The following ZNF713 variants were observed in gnomAD, a reference collection of about 807,000 sequenced individuals.
The protein encoded by ZNF713 is zinc finger protein 713.
In ZNF713, 21 loss-of-function variants were observed where a neutral mutation model predicts 28.7. The ratio of observed to expected loss-of-function variants is 0.73; its 90% CI spans 0.52 to 1.05. ZNF713 has a LOEUF of 1.05. Among genes scored for constraint, ZNF713 ranks in the 50% least tolerant of loss-of-function variants. The pLI is 0.00. For missense variants in ZNF713, 458 were observed against 532.4 expected, an observed-to-expected ratio of 0.86 and a Z score of 1.37; for synonymous variants, 167 against 178.0, an observed-to-expected ratio of 0.94 and a Z score of 0.49.
rs1554334752 is a variant in ZNF713 at position 55,888,733 on chromosome 7, A to ACTTACATACATG, written c.-583+1054_-583+1055insTTACATACATGC. Among the ~76,000 whole-genome samples, 689 of 133,002 alleles carry ACTTACATACATG rather than the reference A, an allele frequency of 5.2e-3. 5 individuals are homozygous for ACTTACATACATG. Among genetic ancestry groups the ACTTACATACATG allele is most frequent in the African/African-American group, 0.019 (661 of 35,236 alleles). 87.3% of individuals were successfully genotyped at this position (133,002 alleles called of 152,430 possible). The stretch of plus-strand genomic sequence containing the variant: ...GACAGTTTCTGCACTGAATACATAT[A>ACTTACATACATG]CGTACATACATACATAGATTTTTTT... On this transcript the variant is annotated intron_variant, in intron 1 of 6. Coordinates refer to ENST00000429591, the MANE Select transcript of ZNF713 (RefSeq NM_182633.3).
intron 6 of ZNF713, among the ~76,000 whole-genome samples, chr7:55,931,574 TTC>T (rs1039492967): frequency 1.3e-5 from 2 of 151,938 alleles, no homozygotes; most frequent in Admixed American, 6.6e-5. Context: ...CCCTCTCTTC[TTC>T]TCTCCCTCCT....
At chr7:55,914,807 C>G (rs1584307866) in intron 4 of ZNF713, among the ~76,000 whole-genome samples, 1 of 152,070 alleles carries the variant, frequency 6.6e-6, no homozygotes, top group East Asian at 1.9e-4. Flanking sequence ...TATATTAGTG[C>G]TTTGGGATCT....
chr7:55,889,479 G>A (rs1043783635), intron 1 of ZNF713, among the ~76,000 whole-genome samples: 2 of 152,192 alleles, frequency 1.3e-5, no homozygotes, highest in African/African-American at 4.8e-5. Context: ...TTTTTAAAAG[G>A]CAGGTTGGAA....
intron 1 of ZNF713, among the ~76,000 whole-genome samples, chr7:55,900,067 GA>G (rs930025092): frequency 6.6e-6 from 1 of 152,124 alleles, no homozygotes; most frequent in African/African-American, 2.4e-5. Context: ...CAAAGGAATT[GA>G]AATGGGTATG....
At chr7:55,915,835 G>A (rs1208226847) in intron 4 of ZNF713, among the ~76,000 whole-genome samples, 13 of 152,148 alleles carry the variant, frequency 8.5e-5, no homozygotes, top group Non-Finnish European at 1.8e-4. Flanking sequence ...GCCTTTGGGG[G>A]AATTTAAGCA....
In ZNF713 at chr7:55,933,911, G is replaced by C. The variant is rs192190864; in HGVS notation, c.308-5071G>C. ...TGTAGAGACAGGGTTTTGCCATGTT[G>C]CCCAGGCTGGTCTTGAGCTCCTGGG... On this transcript the variant is annotated intron_variant, in intron 6 of 6. Coordinates refer to ENST00000429591, the MANE Select transcript of ZNF713 (RefSeq NM_182633.3). 6.6e-5 allele frequency among the ~76,000 whole-genome samples: 10 copies of C among 152,112 alleles called. No individual in the cohort carries two copies. In the East Asian group the frequency reaches 1.7e-3, roughly 27 times the overall value.
chr7:55,930,979 C>T (rs1474000274), intron 6 of ZNF713, among the ~76,000 whole-genome samples: 1 of 152,120 alleles, frequency 6.6e-6, no homozygotes, highest in Non-Finnish European at 1.5e-5. Flanking sequence ...TCCATAAGAT[C>T]TATATAATCT....
At chr7:55,889,768 CTTATGAG>C (rs1785345386) in intron 1 of ZNF713, among the ~76,000 whole-genome samples, 1 of 152,192 alleles carries the variant, frequency 6.6e-6, no homozygotes, top group Admixed American at 6.5e-5. Flanking sequence ...CTATATAAAT[CTTATGAG>C]TTATAGTTCT....
intron 6 of ZNF713, among the ~76,000 whole-genome samples, chr7:55,934,257 T>C (rs1403880146): frequency 2.6e-5 from 4 of 152,132 alleles, no homozygotes; most frequent in Admixed American, 2.6e-4. Flanking sequence ...AAAATATATA[T>C]GTACTTGCGC....
intron 6 of ZNF713, among the ~76,000 whole-genome samples, chr7:55,932,708 C>A (rs1255175318): frequency 6.8e-6 from 1 of 147,608 alleles, no homozygotes; most frequent in African/African-American, 2.5e-5. Context: ...CAAGGTGAAA[C>A]CCCGTCTCTA....
intron 4 of ZNF713, among the ~76,000 whole-genome samples, chr7:55,915,793 A>C (rs993969709): frequency 1.3e-5 from 2 of 152,210 alleles, no homozygotes; most frequent in East Asian, 3.8e-4. Flanking sequence ...CCATGAAAAC[A>C]GGTCTGACTT....
intron 6 of ZNF713, among the ~76,000 whole-genome samples, chr7:55,933,523 C>T (rs1786285272): frequency 6.6e-6 from 1 of 152,138 alleles, no homozygotes; most frequent in South Asian, 2.1e-4. Flanking sequence ...TCTCGAACTC[C>T]TGACCTCAGG....
rs2116277063 is a variant in ZNF713 at position 55,939,004 on chromosome 7, C to A, written c.330C>A (p.Ile110=). The change falls in exon 7 of 7, where the codon ATC becomes ATA. Residue 110 remains isoleucine, a synonymous_variant. Transcript: ENST00000429591. ...TAGATGGAGAAAACAGACCCGAAAT[C>A]AAAAAGTCAACCACAAGCCAGAATA... ...THPDGENRPE[I]KKSTTSQNIS... 2.5e-6 allele frequency: 4 copies of A among 1,581,706 alleles called. No individual in the cohort carries two copies. Among genetic ancestry groups the A allele is most frequent in the Non-Finnish European group, 3.4e-6 (4 of 1,164,536 alleles).
At position 55,912,651 on chromosome 7, in the gene ZNF713, T is replaced by G; in HGVS notation, c.15T>G (p.Asn5Lys). MPSQ[N>K]AVFSQEGNME... The stretch of plus-strand genomic sequence containing the variant: ...TTTTCCTAGTTATGCCTTCTCAGAA[T>G]GCTGTTTTTTCTCAGGAGGGGAACA... The change falls in exon 4 of 7, where the codon AAT becomes AAG. Residue 5 changes from asparagine to lysine, a missense_variant. Physicochemically the swap from Asn to Lys is moderately conservative, Grantham distance 94. Transcript: ENST00000429591. 6.2e-7 allele frequency: 1 copy of G among 1,612,692 alleles called. No homozygotes were observed. Among genetic ancestry groups the G allele is most frequent in the Non-Finnish European group, 8.5e-7 (1 of 1,179,340 alleles).
intron 1 of ZNF713, among the ~76,000 whole-genome samples, chr7:55,903,819 A>T (rs981415925): frequency 9.9e-5 from 15 of 152,168 alleles, no homozygotes; most frequent in Non-Finnish European, 1.6e-4. Context: ...TTCAGCACCT[A>T]ACAGCAGGTC....
chr7:55,936,796 G>A (rs1786355997), intron 6 of ZNF713, among the ~76,000 whole-genome samples: 1 of 152,156 alleles, frequency 6.6e-6, no homozygotes, highest in Admixed American at 6.6e-5. Flanking sequence ...CGTGCCCAAA[G>A]TAGAGATATA....
At chr7:55,935,099 C>A (rs1489904561) in intron 6 of ZNF713, among the ~76,000 whole-genome samples, 1 of 151,842 alleles carries the variant, frequency 6.6e-6, no homozygotes, top group Non-Finnish European at 1.5e-5. Context: ...CCGTGTTGGC[C>A]AGGCTGGTCT....
intron 4 of ZNF713, chr7:55,918,032 C>T (rs1231063325): frequency 2.2e-6 from 1 of 456,566 alleles, no homozygotes; most frequent in Admixed American, 2.4e-5. Flanking sequence ...TGACACTCAT[C>T]CCATTATAGA....
intron 2 of ZNF713, among the ~76,000 whole-genome samples, chr7:55,910,944 G>C (rs1047848097): frequency 6.6e-6 from 1 of 152,170 alleles, no homozygotes; most frequent in Non-Finnish European, 1.5e-5. Context: ...GCCCATCTTG[G>C]GGAAAAACCC....
Sources: gnomAD v4.1 joint callset for allele counts (sites outside exome capture counted in the v4.1 genomes callset) on GRCh38, gnomAD v4.1.1 for gene constraint, MANE v1.5 for transcripts, NCBI Gene and HGNC (gene_info 2026-07-23, HGNC 2026-07-21) for gene names.